Variants in CNR1 observed in about 807,000 individuals in gnomAD.
The protein encoded by CNR1 is cannabinoid receptor 1 (brain).
In CNR1, 10 loss-of-function variants were observed where a neutral mutation model predicts 23.0. The observed-to-expected ratio is 0.43, with a 90% CI of 0.27 to 0.74. The LOEUF (loss-of-function observed/expected upper bound fraction) is 0.74. CNR1 is among the 30% of genes least tolerant of loss of function. CNR1 has a pLI of 0.19. For synonymous variants in CNR1, 271 were observed against 255.2 expected (o/e 1.06, Z -0.59); for missense variants, 422 against 618.8 (o/e 0.68, Z 3.37).
intron 1 of CNR1, among the ~76,000 whole-genome samples, chr6:88,154,471 C>T (rs1026038934): frequency 2.6e-5 from 4 of 152,216 alleles, no homozygotes; most frequent in African/African-American, 9.6e-5. Context: ...ATTCCATTTA[C>T]TATTTAATTT....
chr6:88,143,516 T>C lies in CNR1; in HGVS notation c.*340A>G. ...GTTACATTTCACATTATAGTGAAAG[T>C]TGTGGTTACAAAGGCATTATTCATT... On this transcript the variant is annotated 3_prime_UTR_variant, in exon 2 of 2. Transcript: ENST00000369501. The C allele has an allele frequency of 4.3e-6, 1 of 230,566 alleles. No individual in the cohort carries two copies. The highest frequency in any genetic ancestry group is 8.5e-6 in the Non-Finnish European group (1 of 117,142). 14.3% of individuals were successfully genotyped at this position (230,566 alleles called of 1,614,324 possible).
At position 88,145,112 on chromosome 6, in the gene CNR1, C is replaced by A; in HGVS notation, c.163G>T (p.Gly55Ter). The change falls in exon 2 of 2, where the codon GGA becomes TGA. Residue 55 changes from glycine (G) to a stop codon, truncating the protein, a stop_gained. Transcript: ENST00000369501. LOFTEE classifies it high-confidence loss of function. The part of the protein sequence containing the change: ...PQKFPLTSFR[G>*]SPFQEKMTAG... Reference sequence around the variant, plus strand: ...GTCATCTTCTCTTGGAAGGGACTTCCCCTAAAGGAAGTTAAAGGGAATTTC... The same window carrying A: ...GTCATCTTCTCTTGGAAGGGACTTCACCTAAAGGAAGTTAAAGGGAATTTC... 1 of 1,614,142 alleles carries A rather than the reference C, an allele frequency of 6.2e-7. No homozygotes were observed.
At chr6:88,161,197 A>C (rs913909060) in intron 1 of CNR1, among the ~76,000 whole-genome samples, 3 of 152,240 alleles carry the variant, frequency 2.0e-5, no homozygotes, top group African/African-American at 7.2e-5. Context: ...AAACAAAAGA[A>C]AACAAAGCAA....
upstream of CNR1, among the ~76,000 whole-genome samples, chr6:88,166,796 A>G (rs1055202737): frequency 6.7e-6 from 1 of 150,276 alleles, no homozygotes; most frequent in Non-Finnish European, 1.5e-5. Flanking sequence ...CTGAGCCGGA[A>G]GGGGAAGGGG....
At chr6:88,153,245 T>G (rs1777622795) in intron 1 of CNR1, among the ~76,000 whole-genome samples, 1 of 152,228 alleles carries the variant, frequency 6.6e-6, no homozygotes, top group Non-Finnish European at 1.5e-5. Flanking sequence ...CAAGCTATGG[T>G]ATCATCAAAG....
chr6:88,142,076 T>C lies in CNR1; in HGVS notation c.*1780A>G, dbSNP rs1019454347. 2 of 152,306 alleles carry C rather than the reference T, an allele frequency of 1.3e-5. No individual in the cohort carries two copies. The highest frequency in any genetic ancestry group is 2.9e-5 in the Non-Finnish European group (2 of 68,028). 9.4% of individuals were successfully genotyped at this position (152,306 alleles called of 1,614,324 possible). On this transcript the variant is annotated 3_prime_UTR_variant, in exon 2 of 2. Coordinates refer to ENST00000369501, the MANE Select transcript of CNR1 (RefSeq NM_016083.6). ...CCGGGGTGTAAGAAGAAAGCAGCTGTGTTTATCTTCATGCTTGAGTGTATC... is the reference window on the plus strand; with the variant it reads ...CCGGGGTGTAAGAAGAAAGCAGCTGCGTTTATCTTCATGCTTGAGTGTATC...
intron 1 of CNR1, chr6:88,163,061 TC>T (rs1251260143): frequency 4.6e-5 from 7 of 152,346 alleles, no homozygotes; most frequent in Non-Finnish European, 1.0e-4. Flanking sequence ...ATGGAGCCTG[TC>T]CTTTAGGTTA....
At chr6:88,163,406 A>G (rs1778206229) in intron 1 of CNR1, among the ~76,000 whole-genome samples, 1 of 152,254 alleles carries the variant, frequency 6.6e-6, no homozygotes, top group Non-Finnish European at 1.5e-5. Flanking sequence ...GTGGTGAACT[A>G]TAAACTGCTA....
Position 88,144,052 on chromosome 6 carries a change from A to T in CNR1, c.1223T>A (p.Phe408Tyr). 5 of 1,614,072 alleles carry T rather than the reference A, an allele frequency of 3.1e-6. No individual in the cohort carries two copies. Among genetic ancestry groups the T allele is most frequent in the Non-Finnish European group, 3.4e-6 (4 of 1,180,026 alleles). Reference sequence around the variant, plus strand: ...TTCACAAGAGGGAAACATGCTCCGGAAAGCGTGTCGCAGGTCCTTACTCCT... The same window carrying T: ...TTCACAAGAGGGAAACATGCTCCGGTAAGCGTGTCGCAGGTCCTTACTCCT... ...ALRSKDLRHA[F>Y]RSMFPSCEGT... Residue 408 changes from phenylalanine to tyrosine, a missense_variant, in exon 2 of 2, where the codon TTC (phenylalanine) becomes TAC (tyrosine). Phe to Tyr is a conservative substitution (Grantham distance 22, BLOSUM62 3). Transcript: ENST00000369501. The surrounding 1 kb of genome is among the most constrained non-coding windows in gnomAD (Gnocchi z 7.8).
rs1157094376 is a variant in CNR1, at chr6:88,140,263, T to A, written c.*3593A>T. The A allele has an allele frequency of 6.5e-6, 1 of 152,840 alleles. No individual in the cohort carries two copies. Among genetic ancestry groups the A allele is most frequent in the East Asian group, 1.9e-4 (1 of 5,314 alleles). 9.5% of individuals were successfully genotyped at this position (152,840 alleles called of 1,614,324 possible). The stretch of plus-strand genomic sequence containing the variant: ...TTGAAACATTGGAAATAAATTTGAA[T>A]CCAGATACAAGAAAAGGTTTCCTTT... On this transcript the variant is annotated 3_prime_UTR_variant, in exon 2 of 2. Coordinates refer to ENST00000369501, the MANE Select transcript of CNR1 (RefSeq NM_016083.6).
chr6:88,157,577 T>C (rs1777868981), intron 1 of CNR1, among the ~76,000 whole-genome samples: 2 of 152,070 alleles, frequency 1.3e-5, no homozygotes, highest in African/African-American at 4.8e-5. Flanking sequence ...AAATTAATTT[T>C]GAATATCAGG....
At chr6:88,163,434 T>C (rs1282475809) in intron 1 of CNR1, among the ~76,000 whole-genome samples, 1 of 152,350 alleles carries the variant, frequency 6.6e-6, no homozygotes, top group Admixed American at 6.5e-5. Context: ...TTCCATCTCA[T>C]AATAGTTTAT....
At chr6:88,166,900 C>G (rs935853465), upstream of CNR1, among the ~76,000 whole-genome samples, 2 of 151,950 alleles carry the variant, frequency 1.3e-5, no homozygotes, top group African/African-American at 4.8e-5. Flanking sequence ...CAGGCGGCAG[C>G]GAGCTGGGCC....
rs139422892 is a variant in CNR1 at position 88,144,411 on chromosome 6, C to G, written c.864G>C (p.Leu288=). The part of the protein sequence containing the change: ...FWIGVTSVLL[L]FIVYAYMYIL... Reference sequence around the variant, plus strand: ...TATACATGTACGCATACACGATGAACAGAAGCAGTACGCTGGTGACCCCGA... The same window carrying G: ...TATACATGTACGCATACACGATGAAGAGAAGCAGTACGCTGGTGACCCCGA... Residue 288 remains leucine (L), a synonymous_variant, in exon 2 of 2, where the codon CTG becomes CTC. Coordinates refer to ENST00000369501, the MANE Select transcript of CNR1 (RefSeq NM_016083.6). The surrounding 1 kb of genome is among the most constrained non-coding windows in gnomAD (Gnocchi z 7.8). 3.1e-6 allele frequency: 5 copies of G among 1,614,112 alleles called. No individual in the cohort carries two copies. The highest frequency in any genetic ancestry group is 4.2e-6 in the Non-Finnish European group (5 of 1,180,034).
chr6:88,143,915 C>T lies in CNR1; in HGVS notation c.1360G>A (p.Val454Ile), dbSNP rs1776979137. The change falls in exon 2 of 2, where the codon GTC (valine) becomes ATC (isoleucine). Residue 454 changes from valine (V) to isoleucine (I), a missense_variant. By Grantham distance (29) the Val-to-Ile change is conservative (BLOSUM62 3). Around this residue, in one of 4 missense-constraint regions of CNR1, gnomAD observed 79 missense variants for 98.0 expected, o/e 0.81. Transcript: ENST00000369501. ...GACATGGTTACCTTGGCAATCTTGA[C>T]CGTGCTCTTGATGCAGCTTTCTGCG... ...RAAESCIKST[V>I]KIAKVTMSVS... The T allele has an allele frequency of 6.2e-7, 1 of 1,614,120 alleles. No individual in the cohort carries two copies. Among genetic ancestry groups the T allele is most frequent in the Non-Finnish European group, 8.5e-7 (1 of 1,180,026 alleles).
Position 88,141,789 on chromosome 6 carries a change from C to T in CNR1, c.*2067G>A, listed in dbSNP as rs1220337811. The T allele has an allele frequency of 1.3e-5, 2 of 152,320 alleles. No homozygotes were observed. The highest frequency in any genetic ancestry group is 2.9e-5 in the Non-Finnish European group (2 of 68,044). 9.4% of individuals were successfully genotyped at this position (152,320 alleles called of 1,614,324 possible). On this transcript the variant is annotated 3_prime_UTR_variant, in exon 2 of 2. Coordinates refer to ENST00000369501, the MANE Select transcript of CNR1 (RefSeq NM_016083.6). ...AAGTATCTCATAAGCCACATCCTGC[C>T]TTAGAGCGTGAACCGTAAGAAGGGG...
At chr6:88,166,775 G>A (rs1030107638), upstream of CNR1, among the ~76,000 whole-genome samples, 23 of 145,912 alleles carry the variant, frequency 1.6e-4, no homozygotes, top group African/African-American at 5.2e-4. Context: ...GGTCACGTCT[G>A]GGGCAGCGGG....
chr6:88,146,964 G>A (rs1332204196), intron 1 of CNR1, among the ~76,000 whole-genome samples: 1 of 152,010 alleles, frequency 6.6e-6, no homozygotes, highest in African/African-American at 2.4e-5. Flanking sequence ...TCTAGCTACG[G>A]TACTAGACAC....
chr6:88,160,553 A>C (rs774479803), intron 1 of CNR1, among the ~76,000 whole-genome samples: 28 of 149,966 alleles, frequency 1.9e-4, no homozygotes, highest in Non-Finnish European at 3.6e-4. Context: ...TCCCACTTCA[A>C]CCTCCCGAGT....
Sources: allele counts gnomAD v4.1 joint callset (sites outside exome capture counted in the v4.1 genomes callset), GRCh38; gene constraint gnomAD v4.1.1; regional missense constraint gnomAD v4.1.1; non-coding constraint Gnocchi (gnomAD v3.1); transcripts MANE v1.5; gene names NCBI Gene and HGNC (gene_info 2026-07-23, HGNC 2026-07-21).